Variants in WDPCP observed in about 807,000 individuals in gnomAD.
WDPCP encodes the protein WD repeat containing planar cell polarity effector.
A neutral mutation model predicts 93.1 loss-of-function variants in WDPCP; 71 were observed. The observed-to-expected ratio is 0.76, with a 90% CI of 0.63 to 0.93. WDPCP has a LOEUF of 0.93. Among genes scored for constraint, WDPCP ranks in the 40% least tolerant of loss-of-function variants. The pLI is 0.00. For synonymous variants in WDPCP, 315 were observed against 315.0 expected (o/e 1.00, Z 0.00); for missense variants, 844 against 887.4 (o/e 0.95, Z 0.62).
chr2:63,684,340 T>C, intron 2 of WDPCP: 1 of 665,762 alleles, frequency 1.5e-6, no homozygotes, highest in East Asian at 3.1e-5. Flanking sequence ...AAGGTGTCGC[T>C]TGTCCTGGCT....
intron 2 of WDPCP, among the ~76,000 whole-genome samples, chr2:63,743,513 C>T (rs1056892052): frequency 3.3e-5 from 5 of 152,010 alleles, no homozygotes; most frequent in South Asian, 2.1e-4. Context: ...TCAAGATATA[C>T]CTGGAAATAA....
chr2:63,762,174 C>T lies in WDPCP; in HGVS notation n.308+51448G>A, dbSNP rs1380371563. On this transcript the variant is annotated intron_variant and non_coding_transcript_variant, in intron 2 of 4. Coordinates refer to the WDPCP transcript ENST00000467687. ...AACCAAACCACTAAGTCCAAGTGGT[C>T]GGGCAGGAGAAGAGGTAAATGTGGG... is the stretch of plus-strand genomic sequence containing the variant. Among the ~76,000 whole-genome samples the T allele has an allele frequency of 3.3e-5, 5 of 152,030 alleles. No homozygotes were observed. In the East Asian group the frequency reaches 5.8e-4, roughly 18 times the overall value.
intron 17 of WDPCP, among the ~76,000 whole-genome samples, chr2:63,142,849 TAC>T (rs1197867756): frequency 2.3e-5 from 3 of 132,186 alleles, no homozygotes; most frequent in Non-Finnish European, 3.3e-5. Context: ...TGTGTGTGTG[TAC>T]ACACATATAT....
intron 3 of WDPCP, chr2:63,643,206 C>A: frequency 5.1e-6 from 1 of 196,046 alleles, no homozygotes; most frequent in South Asian, 9.9e-5. Context: ...ATCTTTTCTT[C>A]ATGCTATATT....
chr2:63,341,490 A>T (rs1688836107), intron 12 of WDPCP, among the ~76,000 whole-genome samples: 1 of 152,178 alleles, frequency 6.6e-6, no homozygotes, highest in African/African-American at 2.4e-5. Context: ...AGAAAAATGT[A>T]TATTCTGCTG....
intron 12 of WDPCP, among the ~76,000 whole-genome samples, chr2:63,319,477 T>C (rs903654076): frequency 5.9e-5 from 9 of 152,202 alleles, no homozygotes; most frequent in African/African-American, 1.2e-4. Context: ...AGTCTAAGCA[T>C]TGAGTAAATT....
At chr2:63,306,997 C>T (rs892471796) in intron 13 of WDPCP, among the ~76,000 whole-genome samples, 1 of 152,162 alleles carries the variant, frequency 6.6e-6, no homozygotes, top group Non-Finnish European at 1.5e-5. Flanking sequence ...AAAACCCCAT[C>T]GTCTCAGCCC....
intron 6 of WDPCP, among the ~76,000 whole-genome samples, chr2:63,466,442 T>C (rs1422050341): frequency 6.6e-6 from 1 of 152,168 alleles, no homozygotes; most frequent in Non-Finnish European, 1.5e-5. Flanking sequence ...GAATATAAAT[T>C]TGCTGTGTTT....
intron 9 of WDPCP, among the ~76,000 whole-genome samples, chr2:63,405,586 T>TGTGTGTGTGTGTGTG (rs1491184912): frequency 1.5e-4 from 15 of 98,936 alleles, no homozygotes; most frequent in African/African-American, 5.1e-4. Flanking sequence ...TGTGTGTGTG[T>TGTGTGTGTGTGTGTG]TGGCGGGGGT....
intron 15 of WDPCP, among the ~76,000 whole-genome samples, chr2:63,162,238 C>CA (rs892963154): frequency 4.0e-5 from 6 of 149,612 alleles, no homozygotes; most frequent in African/African-American, 1.5e-4. Context: ...TTTTTTTTTT[C>CA]AAAAAATATT....
chr2:63,247,487 T>C (rs12621101), intron 14 of WDPCP, among the ~76,000 whole-genome samples: 79,023 of 151,954 alleles, frequency 0.52, 24,118 homozygotes, highest in Non-Finnish European at 0.68. Flanking sequence ...ATTGTCCACA[T>C]GGGTGGCTCA....
chr2:63,143,247 G>A (rs921818611), intron 17 of WDPCP, among the ~76,000 whole-genome samples: 5 of 152,036 alleles, frequency 3.3e-5, no homozygotes, highest in Admixed American at 1.3e-4. Context: ...GCCCCTGCTC[G>A]CTTTTGGTGT....
At chr2:63,523,554 T>G (rs562289578) in intron 1 of WDPCP, among the ~76,000 whole-genome samples, 1 of 152,154 alleles carries the variant, frequency 6.6e-6, no homozygotes, top group Non-Finnish European at 1.5e-5. Context: ...CCTAGAAAAC[T>G]CCATGGTCCC....
intron 13 of WDPCP, among the ~76,000 whole-genome samples, chr2:63,301,168 T>C (rs1685303167): frequency 6.6e-6 from 1 of 152,200 alleles, no homozygotes; most frequent in South Asian, 2.1e-4. Flanking sequence ...TATCTTCCCT[T>C]TTTGAGCCTC....
chr2:63,457,603 A>G (rs1698710004), intron 6 of WDPCP, among the ~76,000 whole-genome samples: 1 of 152,226 alleles, frequency 6.6e-6, no homozygotes, highest in Admixed American at 6.5e-5. Flanking sequence ...ATGATAATAT[A>G]TCATGATCAA....
chr2:63,594,719 C>A, intron 3 of WDPCP: 1 of 653,630 alleles, frequency 1.5e-6, no homozygotes, highest in Admixed American at 2.8e-5. Flanking sequence ...AGGCACATTG[C>A]TATAAATGGA....
At chr2:63,691,832 G>A (rs1399967532) in intron 2 of WDPCP, among the ~76,000 whole-genome samples, 1 of 150,878 alleles carries the variant, frequency 6.6e-6, no homozygotes, top group African/African-American at 2.4e-5. Flanking sequence ...TAAGTAGAAA[G>A]GTATGATCTA....
chr2:63,600,997 A>G (rs1709407144), intron 3 of WDPCP, among the ~76,000 whole-genome samples: 2 of 152,290 alleles, frequency 1.3e-5, no homozygotes, highest in Admixed American at 1.3e-4. Context: ...TCTGCTTCCA[A>G]AGGTACTTCA....
chr2:63,501,815 C>T (rs960245980), intron 1 of WDPCP, among the ~76,000 whole-genome samples: 3 of 152,062 alleles, frequency 2.0e-5, no homozygotes, highest in Admixed American at 1.3e-4. Flanking sequence ...AGCATTTCAC[C>T]ATGTTGGCCA....
Sources: gnomAD v4.1 joint callset for allele counts (sites outside exome capture counted in the v4.1 genomes callset) on GRCh38, gnomAD v4.1.1 for gene constraint, MANE v1.5 for transcripts, NCBI Gene and HGNC (gene_info 2026-07-23, HGNC 2026-07-21) for gene names.